STPG2: variants seen among roughly 807,000 people sequenced by gnomAD.
The protein encoded by STPG2 is sperm-tail PG-rich repeat-containing protein 2.
STPG2 carries 56 observed loss-of-function variants against 54.2 expected under a neutral mutation model. The ratio of observed to expected loss-of-function variants is 1.03; its 90% CI spans 0.83 to 1.29. The LOEUF (loss-of-function observed/expected upper bound fraction) is 1.29, where lower values mean the gene tolerates loss of function less well. STPG2 is among the 50% of genes most tolerant of loss of function. STPG2 has a pLI of 0.00. For synonymous variants in STPG2, 200 were observed against 181.8 expected (o/e 1.10, Z -0.81); for missense variants, 596 against 544.9 (o/e 1.09, Z -0.93).
chr4:98,081,771 G>C (rs752091054), intron 5 of STPG2, among the ~76,000 whole-genome samples: 7 of 152,182 alleles, frequency 4.6e-5, no homozygotes, highest in Non-Finnish European at 8.8e-5. Context: ...TGGCTAGAAT[G>C]CTGCAAACTC....
At position 97,924,244 on chromosome 4, in the gene STPG2, G is replaced by C. The variant is rs530844890; in HGVS notation, c.1044+19653C>G. On this transcript the variant is annotated intron_variant, in intron 8 of 10. Coordinates refer to ENST00000295268, the MANE Select transcript of STPG2 (RefSeq NM_174952.3). ...TAAGAACTGTAACACTCACCGCGAG[G>C]GTCCGCGGCTTCATTCTTGAAGTCA... is the stretch of plus-strand genomic sequence containing the variant. Among the ~76,000 whole-genome samples the C allele has an allele frequency of 4.6e-5, 7 of 152,218 alleles. 1 individual carries two copies. In the South Asian group the frequency reaches 1.5e-3, roughly 32 times the overall value.
chr4:98,044,585 G>T (rs1271551061), intron 5 of STPG2, among the ~76,000 whole-genome samples: 1 of 152,146 alleles, frequency 6.6e-6, no homozygotes, highest in Non-Finnish European at 1.5e-5. Flanking sequence ...CTGCAGGAAG[G>T]TGCAGCTTTT....
chr4:97,780,570 A>C (rs1405741471), intron 9 of STPG2, among the ~76,000 whole-genome samples: 3 of 114,466 alleles, frequency 2.6e-5, no homozygotes, highest in African/African-American at 1.1e-4. Context: ...TCAGCTCTGC[A>C]ACAAGTGGAC....
intron 8 of STPG2, among the ~76,000 whole-genome samples, chr4:97,890,308 A>T (rs1036346071): frequency 1.3e-5 from 2 of 152,076 alleles, no homozygotes; most frequent in African/African-American, 4.8e-5. Flanking sequence ...TAAAAAACAA[A>T]ATACAGCATT....
chr4:98,023,260 G>C (rs1308778110), intron 5 of STPG2, among the ~76,000 whole-genome samples: 1 of 152,248 alleles, frequency 6.6e-6, no homozygotes, highest in African/African-American at 2.4e-5. Flanking sequence ...CTGCAGGTCT[G>C]TTGGAGTTTG....
chr4:97,896,375 AT>A (rs951669336), intron 8 of STPG2, among the ~76,000 whole-genome samples: 4 of 151,828 alleles, frequency 2.6e-5, no homozygotes, highest in Non-Finnish European at 4.4e-5. Flanking sequence ...AAGGATGCCT[AT>A]ATAACTTAGA....
At chr4:97,601,160 G>A (rs1733450285) in intron 10 of STPG2, among the ~76,000 whole-genome samples, 1 of 151,814 alleles carries the variant, frequency 6.6e-6, no homozygotes, top group Admixed American at 6.6e-5. Context: ...GTATTTATTT[G>A]TGCTTTTGTT....
chr4:97,965,666 T>G (rs1056935635), intron 7 of STPG2, among the ~76,000 whole-genome samples: 1 of 152,138 alleles, frequency 6.6e-6, no homozygotes, highest in African/African-American at 2.4e-5. Context: ...GCAGCAATAT[T>G]TGTTATTCTG....
At chr4:98,055,742 G>C (rs1737461769) in intron 5 of STPG2, among the ~76,000 whole-genome samples, 1 of 152,182 alleles carries the variant, frequency 6.6e-6, no homozygotes, top group South Asian at 2.1e-4. Context: ...TTTAGCCCTA[G>C]GAGAACTGTC....
rs374518073 is a variant in STPG2, at chr4:97,592,884, G to T, written c.1321-33767C>A. 2.2e-4 allele frequency among the ~76,000 whole-genome samples: 33 copies of T among 152,238 alleles called. No individual in the cohort carries two copies. The East Asian group carries it at 5.8e-3, about 27-fold the overall frequency. On this transcript the variant is annotated intron_variant, in intron 10 of 10. Transcript: ENST00000295268. ...GAGAGCTGCTTAGAGAGGTGGTAGG[G>T]ACAGGACTCCAGCCTCTGTAGAGCC...
intron 4 of STPG2, among the ~76,000 whole-genome samples, chr4:97,500,789 ATTACTGTTG>A (rs1466939459): frequency 6.6e-6 from 1 of 152,036 alleles, no homozygotes; most frequent in South Asian, 2.1e-4. Context: ...CCACACGGTG[ATTACTGTTG>A]GCCATGACAA....
At chr4:97,906,323 T>C (rs1457650903) in intron 8 of STPG2, among the ~76,000 whole-genome samples, 1 of 152,134 alleles carries the variant, frequency 6.6e-6, no homozygotes, top group Non-Finnish European at 1.5e-5. Flanking sequence ...CAGGAAGAAG[T>C]TGAATCTCTG....
At chr4:97,771,830 T>C (rs751186989) in intron 9 of STPG2, among the ~76,000 whole-genome samples, 3 of 152,180 alleles carry the variant, frequency 2.0e-5, no homozygotes, top group Non-Finnish European at 4.4e-5. Context: ...ATCTGGGATA[T>C]GGATGTGCAA....
At chr4:97,778,749 C>T (rs558639887) in intron 9 of STPG2, among the ~76,000 whole-genome samples, 121 of 152,278 alleles carry the variant, frequency 7.9e-4, no homozygotes, top group African/African-American at 2.7e-3. Flanking sequence ...GAGGAACAAT[C>T]GGGCAGCAAC....
intron 9 of STPG2, among the ~76,000 whole-genome samples, chr4:97,793,351 A>C (rs1727062410): frequency 1.4e-5 from 2 of 145,228 alleles, no homozygotes; most frequent in Non-Finnish European, 3.0e-5. Context: ...TTATATATAT[A>C]AAATTAGAGT....
intron 8 of STPG2, among the ~76,000 whole-genome samples, chr4:97,897,434 G>A (rs566733386): frequency 1.8e-4 from 27 of 152,190 alleles, no homozygotes; most frequent in African/African-American, 5.8e-4. Flanking sequence ...TAATGGGATC[G>A]CTGAGTTGAA....
chr4:97,628,429 T>C (rs1167483378), intron 10 of STPG2, among the ~76,000 whole-genome samples: 1 of 152,140 alleles, frequency 6.6e-6, no homozygotes, highest in African/African-American at 2.4e-5. Flanking sequence ...GCAAACATTC[T>C]CAATAAATAT....
chr4:97,519,947 TG>T (rs1731148528), intron 4 of STPG2, among the ~76,000 whole-genome samples: 4 of 152,114 alleles, frequency 2.6e-5, no homozygotes, highest in African/African-American at 4.8e-5. Flanking sequence ...TTATTTGTTG[TG>T]TAACCTTGAG....
chr4:97,984,523 T>C (rs1429300431), intron 5 of STPG2, among the ~76,000 whole-genome samples: 2 of 152,220 alleles, frequency 1.3e-5, no homozygotes, highest in Admixed American at 1.3e-4. Flanking sequence ...TCAAATACTA[T>C]GGTTACCTGG....
Sources: gnomAD v4.1 joint callset for allele counts (sites outside exome capture counted in the v4.1 genomes callset) on GRCh38, gnomAD v4.1.1 for gene constraint, MANE v1.5 for transcripts, NCBI Gene and HGNC (gene_info 2026-07-23, HGNC 2026-07-21) for gene names.